BMP2: variants seen among roughly 807,000 people sequenced by gnomAD.
The protein encoded by BMP2 is bone morphogenetic protein 2A.
BMP2 carries 2 observed loss-of-function variants against 28.8 expected under a neutral mutation model. The ratio of observed to expected loss-of-function variants is 0.07; its 90% confidence interval spans 0.03 to 0.22. BMP2 has a LOEUF of 0.22. BMP2 is among the 10% of genes least tolerant of loss of function. The pLI is 1.00. For synonymous variants in BMP2, 218 were observed against 204.3 expected (o/e 1.07, Z -0.57); for missense variants, 437 against 517.7 (o/e 0.84, Z 1.51).
In BMP2 at chr20:6,770,282, G is replaced by A; in HGVS notation, c.156G>A (p.Glu52=). Residue 52 remains glutamate (E), a synonymous_variant, in exon 2 of 3, where the codon GAG becomes GAA. Coordinates refer to ENST00000378827, the MANE Select transcript of BMP2 (RefSeq NM_001200.4). ...AGCCCTCTGACGAGGTCCTGAGCGA[G>A]TTCGAGTTGCGGCTGCTCAGCATGT... ...SSQPSDEVLS[E]FELRLLSMFG... 6.2e-7 allele frequency: 1 copy of A among 1,613,544 alleles called. No homozygotes were observed. The highest frequency in any genetic ancestry group is 8.5e-7 in the Non-Finnish European group (1 of 1,179,878).
chr20:6,770,329 C>T lies in BMP2; in HGVS notation c.203C>T (p.Thr68Ile), dbSNP rs995735344. The T allele has an allele frequency of 8.7e-6, 14 of 1,613,540 alleles. No homozygotes were observed. Among genetic ancestry groups the T allele is most frequent in the South Asian group, 2.2e-5 (2 of 91,082 alleles). ...ATGTTCGGCCTGAAACAGAGACCCA[C>T]CCCCAGCAGGGACGCCGTGGTGCCC... Reference protein sequence around the residue: ...LSMFGLKQRPTPSRDAVVPPY... With the variant: ...LSMFGLKQRPIPSRDAVVPPY... Residue 68 changes from threonine to isoleucine, a missense_variant, in exon 2 of 3, where the codon ACC becomes ATC. Around this residue, in one of 2 missense-constraint regions of BMP2, gnomAD observed 363 missense variants for 392.8 expected, o/e 0.92. Coordinates refer to ENST00000378827, the MANE Select transcript of BMP2 (RefSeq NM_001200.4).
rs1986591061 is a variant in BMP2 at position 6,779,937 on chromosome 20, T to C, written c.*848T>C. On this transcript the variant is annotated 3_prime_UTR_variant, in exon 3 of 3. Transcript: ENST00000378827. ...GGGCTGATCTGGCCAAAGTATTCAATAAAACGTAAGATTTCTTCATTATTG... is the reference window on the plus strand; with the variant it reads ...GGGCTGATCTGGCCAAAGTATTCAACAAAACGTAAGATTTCTTCATTATTG... 1 of 152,488 alleles carries C rather than the reference T, an allele frequency of 6.6e-6. No homozygotes were observed. The highest frequency in any genetic ancestry group is 2.1e-4 in the South Asian group (1 of 4,828). The allele number at this position is 152,488 out of a possible 1,614,324, so 9.4% of individuals were successfully genotyped here.
Position 6,778,831 on chromosome 20 carries a change from T to A in BMP2, c.933T>A (p.Asn311Lys). The change falls in exon 3 of 3, where the codon AAT becomes AAA. Residue 311 changes from asparagine to lysine, a missense_variant. Physicochemically the swap from Asn to Lys is moderately conservative, Grantham distance 94. Around this residue, in one of 2 missense-constraint regions of BMP2, gnomAD observed 74 missense variants for 124.9 expected, o/e 0.59. Coordinates refer to ENST00000378827, the MANE Select transcript of BMP2 (RefSeq NM_001200.4). This position sits in a 1 kb window ranked among gnomAD's most constrained non-coding sequence, Gnocchi z 5.0. ...LYVDFSDVGWNDWIVAPPGYH... is the reference protein window; with the variant it reads ...LYVDFSDVGWKDWIVAPPGYH... ...TGGACTTCAGTGACGTGGGGTGGAATGACTGGATTGTGGCTCCCCCGGGGT... is the reference window on the plus strand; with the variant it reads ...TGGACTTCAGTGACGTGGGGTGGAAAGACTGGATTGTGGCTCCCCCGGGGT... The A allele has an allele frequency of 6.2e-7, 1 of 1,614,142 alleles. No homozygotes were observed. Among genetic ancestry groups the A allele is most frequent in the Non-Finnish European group, 8.5e-7 (1 of 1,180,026 alleles).
intron 2 of BMP2, among the ~76,000 whole-genome samples, chr20:6,777,149 G>A (rs1986516830): frequency 1.3e-5 from 2 of 152,224 alleles, no homozygotes; most frequent in South Asian, 4.1e-4. Flanking sequence ...TCAAGGTGCT[G>A]TGTTATATAT....
At chr20:6,769,633 G>GTGTGTGTGTGTGTT (rs1555785667) in intron 1 of BMP2, among the ~76,000 whole-genome samples, 26 of 151,258 alleles carry the variant, frequency 1.7e-4, no homozygotes, top group African/African-American at 6.3e-4. Flanking sequence ...GTGTGTGTGT[G>GTGTGTGTGTGTGTT]TGTGTGTGTG....
intron 2 of BMP2, among the ~76,000 whole-genome samples, chr20:6,776,189 G>T (rs1235558878): frequency 6.6e-6 from 1 of 152,162 alleles, no homozygotes; most frequent in Non-Finnish European, 1.5e-5. Flanking sequence ...TGGTCAGAAG[G>T]TTATTTTAAT....
At position 6,778,115 on chromosome 20, in the gene BMP2, A is replaced by G. The variant is rs1383280174; in HGVS notation, c.347-130A>G. The G allele has an allele frequency of 2.2e-6, 3 of 1,339,614 alleles. No individual in the cohort carries two copies. The highest frequency in any genetic ancestry group is 2.0e-6 in the Non-Finnish European group (2 of 993,054). The allele number at this position is 1,339,614 out of a possible 1,614,324, so 83.0% of individuals were successfully genotyped here. A position where few individuals can be genotyped will look rare whatever the true frequency, so the allele number is the denominator to read the frequency against. On this transcript the variant is annotated intron_variant, in intron 2 of 2. Transcript: ENST00000378827. This position sits in a 1 kb window ranked among gnomAD's most constrained non-coding sequence, Gnocchi z 5.0. ...GGAAATTTTTATTTTCTGGTTACCT[A>G]CTTTTACATGGGTTACATCAAATCC...
At chr20:6,772,457 G>A (rs1986418633) in intron 2 of BMP2, among the ~76,000 whole-genome samples, 1 of 152,032 alleles carries the variant, frequency 6.6e-6, no homozygotes, top group Non-Finnish European at 1.5e-5. Flanking sequence ...AATCTGGATG[G>A]ATATAGCACT....
chr20:6,779,881 C>T lies in BMP2; in HGVS notation c.*792C>T, dbSNP rs1045169209. The stretch of plus-strand genomic sequence containing the variant: ...GGAAAGTGAATGATGGTTTGTTGTT[C>T]TTCTTTCCTAAATTAGTGATCCCTT... On this transcript the variant is annotated 3_prime_UTR_variant, in exon 3 of 3. Transcript: ENST00000378827. 3.3e-5 allele frequency: 5 copies of T among 152,350 alleles called. No individual in the cohort carries two copies. Among genetic ancestry groups the T allele is most frequent in the Non-Finnish European group, 7.4e-5 (5 of 67,998 alleles). The allele number at this position is 152,350 out of a possible 1,614,324, so 9.4% of individuals were successfully genotyped here.
At chr20:6,777,332 A>G (rs1986520187) in intron 2 of BMP2, among the ~76,000 whole-genome samples, 1 of 152,142 alleles carries the variant, frequency 6.6e-6, no homozygotes, top group Non-Finnish European at 1.5e-5. Context: ...GATCATAATC[A>G]TATTTTTGTA....
rs1347253136 is a variant in BMP2 at position 6,778,466 on chromosome 20, A to C, written c.568A>C (p.Arg190=). 3.1e-6 allele frequency: 5 copies of C among 1,614,174 alleles called. No homozygotes were observed. Among genetic ancestry groups the C allele is most frequent in the Non-Finnish European group, 3.4e-6 (4 of 1,180,034 alleles). ...AGCCAACTCGAAATTCCCCGTGACC[A>C]GACTTTTGGACACCAGGTTGGTGAA... ...ATANSKFPVT[R]LLDTRLVNQN... is the part of the protein sequence containing the mutation. The change falls in exon 3 of 3, where the codon AGA becomes CGA. Residue 190 remains arginine (R), a synonymous_variant. Transcript: ENST00000378827. This position sits in a 1 kb window ranked among gnomAD's most constrained non-coding sequence, Gnocchi z 5.0.
chr20:6,772,577 G>C (rs1367145122), intron 2 of BMP2, among the ~76,000 whole-genome samples: 1 of 152,170 alleles, frequency 6.6e-6, no homozygotes, highest in Non-Finnish European at 1.5e-5. Flanking sequence ...GATGAAGGTT[G>C]CTGGCTCAAG....
Position 6,778,290 on chromosome 20 carries a change from G to A in BMP2, c.392G>A (p.Arg131Lys). ...GAAACGAGTGGGAAAACAACCCGGA[G>A]ATTCTTCTTTAATTTAAGTTCTATC... ...LPETSGKTTR[R>K]FFFNLSSIPT... Residue 131 changes from arginine (R) to lysine (K), a missense_variant, in exon 3 of 3, where the codon AGA (arginine) becomes AAA (lysine). Coordinates refer to ENST00000378827, the MANE Select transcript of BMP2 (RefSeq NM_001200.4). The surrounding 1 kb of genome is among the most constrained non-coding windows in gnomAD (Gnocchi z 5.0). 6.2e-7 allele frequency: 1 copy of A among 1,609,354 alleles called. No homozygotes were observed. Among genetic ancestry groups the A allele is most frequent in the Non-Finnish European group, 8.5e-7 (1 of 1,178,336 alleles).
At chr20:6,777,608 G>A (rs117562084) in intron 2 of BMP2, among the ~76,000 whole-genome samples, 105 of 152,238 alleles carry the variant, frequency 6.9e-4, no homozygotes, top group Non-Finnish European at 1.2e-3. Flanking sequence ...CCACCCATAC[G>A]TTTCCAAAGA....
In BMP2 at chr20:6,778,170, A is replaced by G; in HGVS notation, c.347-75A>G. The G allele has an allele frequency of 1.3e-6, 2 of 1,516,362 alleles. No individual in the cohort carries two copies. Among genetic ancestry groups the G allele is most frequent in the Non-Finnish European group, 1.8e-6 (2 of 1,136,508 alleles). The allele number at this position is 1,516,362 out of a possible 1,614,324, so 93.9% of individuals were successfully genotyped here. A position where few individuals can be genotyped will look rare whatever the true frequency, so the allele number is the denominator to read the frequency against. ...ATGAGGTTTAAAAATTCTCATAGAT[A>G]ATCAAACGTCATTACTTGGCTTACT... On this transcript the variant is annotated intron_variant, in intron 2 of 2. Coordinates refer to ENST00000378827, the MANE Select transcript of BMP2 (RefSeq NM_001200.4). This position sits in a 1 kb window ranked among gnomAD's most constrained non-coding sequence, Gnocchi z 5.0.
intron 1 of BMP2, among the ~76,000 whole-genome samples, chr20:6,769,612 G>GGTGTGTGTGTGTGTGTGGGTGTGT (rs1555785655): frequency 7.1e-6 from 1 of 139,906 alleles, no homozygotes; most frequent in South Asian, 2.4e-4. Flanking sequence ...AAGCTATAAG[G>GGTGTGTGTGTGTGTGTGGGTGTGT]GTGTGTGTGT....
Position 6,768,455 on chromosome 20 carries a change from C to T in BMP2, c.-428C>T. ...CGCGGGGCCACGCGTCCCTCGGGCG[C>T]TGGTTCCTAAGGAGGACGACAGCAC... On this transcript the variant is annotated 5_prime_UTR_variant, in exon 1 of 3. Transcript: ENST00000378827. 2.5e-6 allele frequency: 1 copy of T among 392,930 alleles called. No homozygotes were observed. The highest frequency in any genetic ancestry group is 4.5e-6 in the Non-Finnish European group (1 of 222,740). 24.3% of individuals were successfully genotyped at this position (392,930 alleles called of 1,614,324 possible).
At position 6,778,387 on chromosome 20, in the gene BMP2, C is replaced by T; in HGVS notation, c.489C>T (p.Asn163=). ...AACAGATGCAAGATGCTTTAGGAAA[C>T]AATAGCAGTTTCCATCACCGAATTA... The part of the protein sequence containing the change: ...FREQMQDALG[N]NSSFHHRINI... Residue 163 remains asparagine (N), a synonymous_variant, in exon 3 of 3, where the codon AAC becomes AAT. Transcript: ENST00000378827. This position sits in a 1 kb window ranked among gnomAD's most constrained non-coding sequence, Gnocchi z 5.0. 1 of 1,614,166 alleles carries T rather than the reference C, an allele frequency of 6.2e-7. No individual in the cohort carries two copies. The highest frequency in any genetic ancestry group is 8.5e-7 in the Non-Finnish European group (1 of 1,180,016).
chr20:6,777,586 A>C (rs1986525322), intron 2 of BMP2, among the ~76,000 whole-genome samples: 1 of 152,170 alleles, frequency 6.6e-6, no homozygotes. Context: ...TAATTACTAC[A>C]GTGTCCTAGT....
Sources: gnomAD v4.1 joint callset for allele counts (sites outside exome capture counted in the v4.1 genomes callset) on GRCh38, gnomAD v4.1.1 for gene constraint, gnomAD v4.1.1 regional missense constraint, Gnocchi (gnomAD v3.1) non-coding constraint, MANE v1.5 for transcripts, NCBI Gene and HGNC (gene_info 2026-07-23, HGNC 2026-07-21) for gene names.